The following KLHL7 variants were observed in gnomAD, a reference collection of about 807,000 sequenced individuals.
KLHL7 encodes the protein kelch-like protein 7.
KLHL7 carries 44 observed loss-of-function variants against 67.4 expected under a neutral mutation model. The observed-to-expected ratio is 0.65, with a 90% confidence interval of 0.51 to 0.84. KLHL7 has a LOEUF of 0.84. KLHL7 is among the 40% of genes least tolerant of loss of function. The probability of loss-of-function intolerance (pLI) is 0.00; values close to 1 mark genes in which losing one functional copy is unlikely to be tolerated. For synonymous variants in KLHL7, 252 were observed against 243.3 expected (o/e 1.04, Z -0.33); for missense variants, 362 against 718.1 (o/e 0.50, Z 5.67).
intron 9 of KLHL7, among the ~76,000 whole-genome samples, chr7:23,171,643 A>G (rs1785164583): frequency 6.6e-6 from 1 of 152,254 alleles, no homozygotes; most frequent in Non-Finnish European, 1.5e-5. Context: ...TGTAAGACAA[A>G]AGAATTGTTA....
rs538964469 is a variant in KLHL7 at position 23,153,131 on chromosome 7, A to G, written c.936+922A>G. Among the ~76,000 whole-genome samples the G allele has an allele frequency of 3.3e-5, 5 of 152,344 alleles. No homozygotes were observed. In the South Asian group the frequency reaches 8.3e-4, roughly 25 times the overall value. On this transcript the variant is annotated intron_variant, in intron 7 of 10. Coordinates refer to ENST00000339077, the MANE Select transcript of KLHL7 (RefSeq NM_001031710.3). The stretch of plus-strand genomic sequence containing the variant: ...ACTGACCTTAGGCTTTCTCTCCTAA[A>G]AGGTATAATGGACAATAAAATGAAC...
At chr7:23,163,719 A>C (rs1307591494) in intron 7 of KLHL7, among the ~76,000 whole-genome samples, 3 of 152,226 alleles carry the variant, frequency 2.0e-5, no homozygotes, top group Non-Finnish European at 4.4e-5. Flanking sequence ...GACTTTATAC[A>C]TGGATGTGTC....
At chr7:23,167,749 T>G in intron 8 of KLHL7, 87 bp from the exon 9 acceptor site, 1 of 1,216,450 alleles carries the variant, frequency 8.2e-7, no homozygotes, top group South Asian at 1.2e-5. Context: ...AATTCTTCCT[T>G]CCTTAACTAA....
chr7:23,141,870 G>T (rs971350952), intron 5 of KLHL7, among the ~76,000 whole-genome samples: 1 of 151,954 alleles, frequency 6.6e-6, no homozygotes, highest in South Asian at 2.1e-4. Context: ...TGATCTGCCC[G>T]CCTTGGCCTC....
chr7:23,141,359 T>C (rs1784175692), intron 5 of KLHL7, among the ~76,000 whole-genome samples: 1 of 152,194 alleles, frequency 6.6e-6, no homozygotes, highest in Non-Finnish European at 1.5e-5. Flanking sequence ...TGGTGCAATG[T>C]GAGAAAGACT....
At chr7:23,170,631 T>C (rs1190404934) in intron 9 of KLHL7, among the ~76,000 whole-genome samples, 2 of 152,206 alleles carry the variant, frequency 1.3e-5, no homozygotes, top group Non-Finnish European at 2.9e-5. Context: ...CCTGGGTTCC[T>C]TCCCTAGCCC....
Position 23,105,809 on chromosome 7 carries a change from A to G in KLHL7, c.-218A>G, listed in dbSNP as rs1466475750. ...CGGGTTCTGCCCGGGGACGCAGCCC[A>G]GTTGGTAGCGTCGCTCCCTGAGCGT... is the stretch of plus-strand genomic sequence containing the variant. On this transcript the variant is annotated 5_prime_UTR_variant, in exon 1 of 11. Transcript: ENST00000339077. 1 of 625,530 alleles carries G rather than the reference A, an allele frequency of 1.6e-6. No individual in the cohort carries two copies. Among genetic ancestry groups the G allele is most frequent in the Non-Finnish European group, 2.8e-6 (1 of 362,676 alleles). The allele number at this position is 625,530 out of a possible 1,614,324, so 38.7% of individuals were successfully genotyped here.
chr7:23,156,284 T>C, intron 7 of KLHL7: 1 of 205,460 alleles, frequency 4.9e-6, no homozygotes, highest in South Asian at 6.7e-5. Context: ...GAAAAAGAAG[T>C]CTTGGGTTGC....
chr7:23,106,207 GT>G, intron 1 of KLHL7, 61 bp downstream of exon 1: 1 of 1,583,128 alleles, frequency 6.3e-7, no homozygotes. Flanking sequence ...CGGGCCCCTG[GT>G]TCCCGGGGTG....
chr7:23,142,351 C>G (rs143681503), intron 5 of KLHL7, among the ~76,000 whole-genome samples: 1 of 152,202 alleles, frequency 6.6e-6, no homozygotes, highest in Non-Finnish European at 1.5e-5. Flanking sequence ...TGCTTTTGTT[C>G]TAAAAACAAA....
At chr7:23,169,964 C>A (rs1263894198) in intron 9 of KLHL7, among the ~76,000 whole-genome samples, 1 of 152,180 alleles carries the variant, frequency 6.6e-6, no homozygotes, top group Non-Finnish European at 1.5e-5. Flanking sequence ...AATCCCAGCA[C>A]TTTGGGAGGC....
chr7:23,173,996 A>C lies in KLHL7; in HGVS notation c.1478-19A>C. 1 of 1,611,512 alleles carries C rather than the reference A, an allele frequency of 6.2e-7. No homozygotes were observed. Among genetic ancestry groups the C allele is most frequent in the Non-Finnish European group, 8.5e-7 (1 of 1,177,646 alleles). ...GTTGATATAGTTTTTCATGTTGTTC[A>C]TGTTTTATTCTTTTGAAGGTGGTCT... is the stretch of plus-strand genomic sequence containing the variant. On this transcript the variant is annotated intron_variant, in intron 10 of 10. Transcript: ENST00000339077.
intron 4 of KLHL7, among the ~76,000 whole-genome samples, chr7:23,131,816 C>T (rs1206730542): frequency 2.1e-5 from 3 of 145,312 alleles, no homozygotes; most frequent in African/African-American, 7.6e-5. Flanking sequence ...AACCATCTTT[C>T]TACTCTCTGT....
chr7:23,157,938 A>C (rs1784755031), intron 7 of KLHL7, among the ~76,000 whole-genome samples: 1 of 152,172 alleles, frequency 6.6e-6, no homozygotes, highest in Non-Finnish European at 1.5e-5. Flanking sequence ...AGAAATGAGG[A>C]AAATGGGAAT....
chr7:23,131,547 A>G (rs1441591477), intron 4 of KLHL7, among the ~76,000 whole-genome samples: 1 of 152,060 alleles, frequency 6.6e-6, no homozygotes, highest in African/African-American at 2.4e-5. Flanking sequence ...GTGGTATATA[A>G]AATGTTTTGA....
intron 1 of KLHL7, among the ~76,000 whole-genome samples, chr7:23,120,210 A>G (rs10229669): frequency 0.027 from 4,107 of 152,012 alleles, 190 homozygotes; most frequent in African/African-American, 0.093. Flanking sequence ...GGGTTTTACC[A>G]TGTTGCCCAT....
chr7:23,129,283 C>A, intron 4 of KLHL7: 1 of 254,080 alleles, frequency 3.9e-6, no homozygotes. Flanking sequence ...CAAGCTGAGG[C>A]ACCTCTCCAG....
intron 4 of KLHL7, among the ~76,000 whole-genome samples, chr7:23,128,335 A>G (rs904360787): frequency 1.3e-5 from 2 of 150,324 alleles, no homozygotes; most frequent in Non-Finnish European, 3.0e-5. Context: ...GGGAAGGAAG[A>G]TACAGGAACT....
rs148273920 is a variant in KLHL7, at chr7:23,112,579, C to T, written c.120+6433C>T. Among the ~76,000 whole-genome samples, 767 of 152,250 alleles carry T rather than the reference C, an allele frequency of 5.0e-3. 7 individuals are homozygous for T. Among genetic ancestry groups the T allele is most frequent in the African/African-American group, 0.017 (721 of 41,538 alleles). ...GAAAATTGGGAAGAAATTGTTTCTCCTTCCCAGCAAGTCAGGATGGCCAAA... is the reference window on the plus strand; with the variant it reads ...GAAAATTGGGAAGAAATTGTTTCTCTTTCCCAGCAAGTCAGGATGGCCAAA... On this transcript the variant is annotated intron_variant, in intron 1 of 10. Coordinates refer to ENST00000339077, the MANE Select transcript of KLHL7 (RefSeq NM_001031710.3).
Sources: allele counts gnomAD v4.1 joint callset (sites outside exome capture counted in the v4.1 genomes callset), GRCh38; gene constraint gnomAD v4.1.1; transcripts MANE v1.5; gene names NCBI Gene and HGNC (gene_info 2026-07-23, HGNC 2026-07-21).